Variants in RHOU observed in about 807,000 individuals in gnomAD.
RHOU encodes ras homolog family member U.
Under a neutral mutation model 12.6 loss-of-function variants are expected in RHOU, and 8 were observed. The ratio of observed to expected loss-of-function variants is 0.64; its 90% CI spans 0.37 to 1.15. The LOEUF (loss-of-function observed/expected upper bound fraction) is 1.15. Among genes scored for constraint, RHOU ranks in the 50% most tolerant of loss-of-function variants. The probability of loss-of-function intolerance (pLI) is 0.01; values close to 1 mark genes in which losing one functional copy is unlikely to be tolerated. For synonymous variants in RHOU, 161 were observed against 147.4 expected, an observed-to-expected ratio of 1.09 and a Z score of -0.67; for missense variants, 258 against 347.0, an observed-to-expected ratio of 0.74 and a Z score of 2.04.
At chr1:228,655,228 C>A in the RHOU span, among the ~76,000 whole-genome samples, 2 of 151,846 alleles carry the variant, frequency 1.3e-5, no homozygotes, top group African/African-American at 4.8e-5. Flanking sequence ...CTCAGCCTCC[C>A]GAGTAGCTGG....
chr1:228,700,551 ACT>A, the RHOU span, among the ~76,000 whole-genome samples: 1 of 152,054 alleles, frequency 6.6e-6, no homozygotes, highest in Non-Finnish European at 1.5e-5. Flanking sequence ...GCTTTTAGAA[ACT>A]CTATCAGAAT....
At chr1:228,701,570 G>T in the RHOU span, among the ~76,000 whole-genome samples, 1 of 152,008 alleles carries the variant, frequency 6.6e-6, no homozygotes, top group Non-Finnish European at 1.5e-5. Context: ...TATTAAAGCT[G>T]ATTTTAATAA....
chr1:228,660,361 A>T, the RHOU span, among the ~76,000 whole-genome samples: 4 of 151,964 alleles, frequency 2.6e-5, no homozygotes, highest in Non-Finnish European at 4.4e-5. Flanking sequence ...AAATAAAAAA[A>T]AAAAAAGCCT....
chr1:228,651,338 G>C, the RHOU span: 2 of 163,074 alleles, frequency 1.2e-5, no homozygotes, highest in Non-Finnish European at 2.9e-5. Context: ...GACAGTCTCA[G>C]AGCTCAGCAG....
chr1:228,742,794 T>TGG (rs925754818), intron 2 of RHOU, among the ~76,000 whole-genome samples: 5 of 152,156 alleles, frequency 3.3e-5, no homozygotes, highest in Non-Finnish European at 5.9e-5. Context: ...TCAGAGCTGT[T>TGG]GGGAAAGGCA....
chr1:228,676,139 CCT>C, the RHOU span, among the ~76,000 whole-genome samples: 3 of 151,014 alleles, frequency 2.0e-5, no homozygotes, highest in Admixed American at 6.6e-5. Context: ...CCGCCCCCCC[CCT>C]TTTTTTTTTA....
the RHOU span, among the ~76,000 whole-genome samples, chr1:228,707,058 C>T: frequency 7.0e-6 from 1 of 142,044 alleles, no homozygotes; most frequent in Non-Finnish European, 1.5e-5. Flanking sequence ...AATGTTTTTC[C>T]ATTAAGCAAG....
chr1:228,714,804 C>T, the RHOU span, among the ~76,000 whole-genome samples: 12 of 125,176 alleles, frequency 9.6e-5, no homozygotes, highest in Admixed American at 8.0e-4. Flanking sequence ...AGTGCAATGG[C>T]GTGGTCTCAG....
rs2102721142 is a variant in RHOU, at chr1:228,745,807, G to C, written c.*2067G>C. ...GGGAGGGAAGATGAGTTATTTAACT[G>C]GTAAGCGATTTGAAACACTATTTTT... On this transcript the variant is annotated 3_prime_UTR_variant, in exon 3 of 3. Transcript: ENST00000366691. 6.6e-6 allele frequency: 1 copy of C among 152,312 alleles called. No individual in the cohort carries two copies. The highest frequency in any genetic ancestry group is 1.5e-5 in the Non-Finnish European group (1 of 68,042). 9.4% of individuals were successfully genotyped at this position (152,312 alleles called of 1,614,324 possible). A position where few individuals can be genotyped will look rare whatever the true frequency, so the allele number is the denominator to read the frequency against.
the RHOU span, among the ~76,000 whole-genome samples, chr1:228,710,475 C>T: frequency 6.6e-6 from 1 of 152,166 alleles, no homozygotes; most frequent in South Asian, 2.1e-4. Flanking sequence ...ATCAAGTGGG[C>T]TTCATCCCTG....
intron 2 of RHOU, among the ~76,000 whole-genome samples, chr1:228,740,016 G>A (rs1183181741): frequency 1.3e-5 from 2 of 152,188 alleles, no homozygotes; most frequent in Non-Finnish European, 2.9e-5. Flanking sequence ...AAAGAGGTTC[G>A]GGCTTAGAGG....
the RHOU span, among the ~76,000 whole-genome samples, chr1:228,713,026 T>C: frequency 2.6e-5 from 4 of 151,588 alleles, no homozygotes; most frequent in African/African-American, 9.7e-5. Context: ...CAGGAATGGA[T>C]GATGAATGTT....
At chr1:228,735,314 G>A (rs1662572123), upstream of RHOU, 2 of 152,256 alleles carry the variant, frequency 1.3e-5, no homozygotes, top group Non-Finnish European at 2.9e-5. This position sits in a 1 kb window ranked among gnomAD's most constrained non-coding sequence, Gnocchi z 8.1. Context: ...TGGTCGCGGC[G>A]GCGCCTCGGG....
chr1:228,687,833 A>C, the RHOU span: 11 of 1,222,876 alleles, frequency 9.0e-6, no homozygotes, highest in African/African-American at 1.5e-5. Flanking sequence ...GCTAAGCCTC[A>C]GGCTAATTTC....
At chr1:228,666,721 T>A in the RHOU span, among the ~76,000 whole-genome samples, 1 of 152,188 alleles carries the variant, frequency 6.6e-6, no homozygotes, top group Non-Finnish European at 1.5e-5. Context: ...TCAGGCTACT[T>A]GGGTACTAAG....
At chr1:228,683,742 T>G in the RHOU span, among the ~76,000 whole-genome samples, 4 of 152,234 alleles carry the variant, frequency 2.6e-5, no homozygotes, top group African/African-American at 9.6e-5. Flanking sequence ...TGAGCCAATA[T>G]GAGTGATGGC....
rs149072311 is a variant in RHOU at position 228,745,435 on chromosome 1, A to G, written c.*1695A>G. 1.6e-4 allele frequency: 24 copies of G among 152,316 alleles called. No homozygotes were observed. The highest frequency in any genetic ancestry group is 5.2e-4 in the Admixed American group (8 of 15,302). The allele number at this position is 152,316 out of a possible 1,614,324, so 9.4% of individuals were successfully genotyped here. On this transcript the variant is annotated 3_prime_UTR_variant, in exon 3 of 3. Transcript: ENST00000366691. ...TCTTTTTTATGTTAAAAAGAAATCC[A>G]GTTTGTGTTTTTCTATAGAAAAAGT...
the RHOU span, among the ~76,000 whole-genome samples, chr1:228,705,832 T>C: frequency 6.6e-6 from 1 of 152,018 alleles, no homozygotes; most frequent in Non-Finnish European, 1.5e-5. Context: ...TCACCTGAGG[T>C]CAGGAGTTCG....
the RHOU span, among the ~76,000 whole-genome samples, chr1:228,711,345 C>T: frequency 6.6e-6 from 1 of 151,962 alleles, no homozygotes; most frequent in Non-Finnish European, 1.5e-5. Context: ...GAGCCCGCAT[C>T]GCCAAGTCAA....
Sources: allele counts gnomAD v4.1 joint callset (sites outside exome capture counted in the v4.1 genomes callset), GRCh38; gene constraint gnomAD v4.1.1; non-coding constraint Gnocchi (gnomAD v3.1); transcripts MANE v1.5; gene names NCBI Gene and HGNC (gene_info 2026-07-23, HGNC 2026-07-21).